Variants in SMIM41 observed in about 807,000 individuals in gnomAD.
The protein encoded by SMIM41 is small integral membrane protein 41.
chr12:52,096,308 A>G (rs1344124728), intron 2 of SMIM41, among the ~76,000 whole-genome samples: 4 of 152,014 alleles, frequency 2.6e-5, no homozygotes, highest in Admixed American at 2.6e-4. Flanking sequence ...ACCCACTGCT[A>G]TATTGGGAGT....
chr12:52,103,895 G>A (rs1047452164), intron 2 of SMIM41, among the ~76,000 whole-genome samples: 6 of 152,208 alleles, frequency 3.9e-5, no homozygotes, highest in African/African-American at 1.2e-4. Flanking sequence ...TTGGTTAATG[G>A]ATGCAATTTC....
At chr12:52,095,974 T>C (rs921938075) in intron 2 of SMIM41, among the ~76,000 whole-genome samples, 10 of 151,924 alleles carry the variant, frequency 6.6e-5, no homozygotes, top group South Asian at 6.2e-4. Flanking sequence ...TTAAGAACAA[T>C]GTCACAGAAT....
chr12:52,090,214 G>A (rs1412764315), intron 2 of SMIM41, among the ~76,000 whole-genome samples: 2 of 152,036 alleles, frequency 1.3e-5, no homozygotes, highest in East Asian at 1.9e-4. Flanking sequence ...GGGATTACAG[G>A]CACGCAACCA....
At chr12:52,104,857 A>G (rs1351205664) in intron 2 of SMIM41, among the ~76,000 whole-genome samples, 1 of 152,192 alleles carries the variant, frequency 6.6e-6, no homozygotes, top group Non-Finnish European at 1.5e-5. Context: ...ACACCATGGC[A>G]TCATGAACCC....
intron 2 of SMIM41, among the ~76,000 whole-genome samples, chr12:52,102,110 G>A (rs1441736276): frequency 2.0e-5 from 3 of 152,202 alleles, no homozygotes; most frequent in African/African-American, 7.2e-5. Flanking sequence ...TAACATGAGT[G>A]CTAAGAAAGT....
intron 2 of SMIM41, among the ~76,000 whole-genome samples, chr12:52,090,896 T>A (rs1165796807): frequency 6.6e-6 from 1 of 152,308 alleles, no homozygotes; most frequent in South Asian, 2.1e-4. Context: ...ATCCTCTCAA[T>A]ACACACTGAA....
intron 2 of SMIM41, among the ~76,000 whole-genome samples, chr12:52,086,503 A>T (rs1488198375): frequency 2.0e-5 from 3 of 152,194 alleles, no homozygotes; most frequent in Non-Finnish European, 4.4e-5. Flanking sequence ...CAAACACGCA[A>T]AAAGGATCCT....
chr12:52,090,866 G>A (rs963838923), intron 2 of SMIM41, among the ~76,000 whole-genome samples: 3 of 152,254 alleles, frequency 2.0e-5, no homozygotes, highest in African/African-American at 4.8e-5. Context: ...CAGATCCCAC[G>A]CCTGGCTGCC....
chr12:52,092,278 A>G (rs927886510), intron 2 of SMIM41: 39 of 152,386 alleles, frequency 2.6e-4, no homozygotes, highest in African/African-American at 8.9e-4. Context: ...TTAAAAGTAG[A>G]AACAATATTT....
chr12:52,097,001 C>G (rs549361420), intron 2 of SMIM41, among the ~76,000 whole-genome samples: 3 of 151,918 alleles, frequency 2.0e-5, no homozygotes, highest in Admixed American at 2.0e-4. Flanking sequence ...GTAGACCTAC[C>G]CTGTGATATT....
chr12:52,099,863 C>T (rs1940180749), intron 2 of SMIM41, among the ~76,000 whole-genome samples: 1 of 151,984 alleles, frequency 6.6e-6, no homozygotes. Context: ...TCCTCTCCCG[C>T]CCTGAATATT....
chr12:52,089,456 A>C (rs1939945809), intron 2 of SMIM41, among the ~76,000 whole-genome samples: 1 of 152,136 alleles, frequency 6.6e-6, no homozygotes, highest in African/African-American at 2.4e-5. Flanking sequence ...TTAAAAAATT[A>C]GCCGGGCATG....
rs1382462483 is a variant in SMIM41 at position 52,104,466 on chromosome 12, G to A, written c.*196-2913G>A. ...AGTCTGAGCCTCCATCGTGCACCAC[G>A]CAGGGAGGACAGTGGACTTGTTCTC... On this transcript the variant is annotated intron_variant, in intron 2 of 2. Transcript: ENST00000546390. Among the ~76,000 whole-genome samples the A allele has an allele frequency of 3.3e-5, 5 of 152,078 alleles. No individual in the cohort carries two copies. In the East Asian group the frequency reaches 5.8e-4, roughly 18 times the overall value.
intron 2 of SMIM41, among the ~76,000 whole-genome samples, chr12:52,100,908 C>T (rs1464795918): frequency 3.9e-5 from 6 of 152,124 alleles, no homozygotes; most frequent in Non-Finnish European, 5.9e-5. Flanking sequence ...CCTAAAGTTT[C>T]GCATTCTGAG....
chr12:52,106,223 C>A (rs113566416), intron 2 of SMIM41, among the ~76,000 whole-genome samples: 9,140 of 150,660 alleles, frequency 0.061, 317 homozygotes, highest in Non-Finnish European at 0.077. Context: ...CCAGAGCCTA[C>A]ATCTTGCTTG....
rs570950960 is a variant in SMIM41, at chr12:52,103,054, G to A, written c.*196-4325G>A. On this transcript the variant is annotated intron_variant, in intron 2 of 2. Transcript: ENST00000546390. ...AAAGGCAGGCACTTCTGGCCGGTGC[G>A]GTGGCTCATGCCTGTAATCCCAGCA... 7.9e-5 allele frequency among the ~76,000 whole-genome samples: 12 copies of A among 151,710 alleles called. No homozygotes were observed. In the East Asian group the frequency reaches 1.6e-3, roughly 20 times the overall value.
intron 1 of SMIM41, among the ~76,000 whole-genome samples, chr12:52,080,975 G>A (rs1397831986): frequency 6.6e-6 from 1 of 152,044 alleles, no homozygotes; most frequent in Non-Finnish European, 1.5e-5. Context: ...CCGCAGCTGG[G>A]GGGCCTCGGG....
rs184866989 is a variant in SMIM41, at chr12:52,097,307, G to A, written c.*196-10072G>A. On this transcript the variant is annotated intron_variant, in intron 2 of 2. Coordinates refer to ENST00000546390, the MANE Select transcript of SMIM41 (RefSeq NM_001369216.1). ...TTCCCTGGATATTACGATACACATC[G>A]CAGGGGGGCGGGCGACCCCCACGAT... 1.6e-4 allele frequency among the ~76,000 whole-genome samples: 24 copies of A among 151,980 alleles called. No individual in the cohort carries two copies. In the East Asian group the frequency reaches 3.9e-3, roughly 25 times the overall value.
At chr12:52,096,683 TATC>T (rs1462922848) in intron 2 of SMIM41, among the ~76,000 whole-genome samples, 8 of 151,850 alleles carry the variant, frequency 5.3e-5, no homozygotes. Context: ...AATTTATTGT[TATC>T]GTCAGTATAA....
Sources: gnomAD v4.1 joint callset for allele counts (sites outside exome capture counted in the v4.1 genomes callset) on GRCh38, gnomAD v4.1.1 for gene constraint, MANE v1.5 for transcripts, NCBI Gene and HGNC (gene_info 2026-07-23, HGNC 2026-07-21) for gene names.